MPPED1: variants seen among roughly 807,000 people sequenced by gnomAD.
MPPED1 encodes metallophosphoesterase domain containing 1.
MPPED1 carries 16 observed loss-of-function variants against 36.2 expected under a neutral mutation model. The ratio of observed to expected loss-of-function variants is 0.44; its 90% CI spans 0.30 to 0.67. MPPED1 has a LOEUF of 0.67. Ranked by LOEUF, MPPED1 falls within the 30% of genes least tolerant of loss-of-function variation. The probability of loss-of-function intolerance (pLI) is 0.10; values close to 1 mark genes in which losing one functional copy is unlikely to be tolerated. For synonymous variants in MPPED1, 199 were observed against 191.3 expected (o/e 1.04, Z -0.33); for missense variants, 307 against 453.4 (o/e 0.68, Z 2.93).
chr22:43,499,322 G>A (rs143634450), intron 5 of MPPED1, among the ~76,000 whole-genome samples: 3,417 of 119,714 alleles, frequency 0.029, 298 homozygotes, highest in South Asian at 0.039. Context: ...AAGTGGTGAC[G>A]TGGGAGGTGG....
At chr22:43,425,572 G>A (rs1362842431) in intron 2 of MPPED1, among the ~76,000 whole-genome samples, 1 of 152,228 alleles carries the variant, frequency 6.6e-6, no homozygotes, top group Non-Finnish European at 1.5e-5. Context: ...GCGTCTGGCG[G>A]GGGCCACATT....
In MPPED1 at chr22:43,474,222, T is replaced by C. The variant is rs1931469156; in HGVS notation, c.407-514T>C. ...CTGGGGATGCAGCGTGGGGGTCTTCTTCCAGTAGAAAACTAGTCCAGACAG... is the reference window on the plus strand; with the variant it reads ...CTGGGGATGCAGCGTGGGGGTCTTCCTCCAGTAGAAAACTAGTCCAGACAG... On this transcript the variant is annotated intron_variant, in intron 3 of 6. Transcript: ENST00000443721. This position sits in a 1 kb window ranked among gnomAD's most constrained non-coding sequence, Gnocchi z 5.2. Among the ~76,000 whole-genome samples the C allele has an allele frequency of 6.6e-6, 1 of 152,186 alleles. No individual in the cohort carries two copies. The highest frequency in any genetic ancestry group is 2.4e-5 in the African/African-American group (1 of 41,440).
intron 3 of MPPED1, among the ~76,000 whole-genome samples, chr22:43,441,239 C>T (rs531491416): frequency 2.6e-4 from 39 of 152,262 alleles, no homozygotes; most frequent in African/African-American, 9.1e-4. Context: ...CATTTGGGAC[C>T]CTCTCAGTCA....
intron 3 of MPPED1, among the ~76,000 whole-genome samples, chr22:43,460,246 AACAAAAAC>A (rs2146865766): frequency 1.6e-5 from 1 of 62,418 alleles, no homozygotes; most frequent in East Asian, 1.1e-3. Flanking sequence ...CAAAAACAAA[AACAAAAAC>A]AAACCCAAAC....
At chr22:43,451,922 C>A (rs532218769) in intron 3 of MPPED1, among the ~76,000 whole-genome samples, 2 of 152,180 alleles carry the variant, frequency 1.3e-5, no homozygotes, top group Non-Finnish European at 2.9e-5. Flanking sequence ...CTGCTCCTGC[C>A]GGAGTGCCAA....
intron 4 of MPPED1, among the ~76,000 whole-genome samples, chr22:43,485,305 C>T (rs759745261): frequency 9.2e-5 from 14 of 152,060 alleles, no homozygotes; most frequent in Admixed American, 9.2e-4. Context: ...CATCCACAAC[C>T]ACACACATAT....
At chr22:43,497,935 G>GTATATA (rs753427064) in intron 4 of MPPED1, among the ~76,000 whole-genome samples, 2 of 128,364 alleles carry the variant, frequency 1.6e-5, no homozygotes, top group Admixed American at 7.6e-5. Flanking sequence ...ATATGTATAT[G>GTATATA]TATATATATA....
chr22:43,431,429 T>G (rs1052893643), intron 2 of MPPED1, among the ~76,000 whole-genome samples: 1 of 152,152 alleles, frequency 6.6e-6, no homozygotes, highest in Non-Finnish European at 1.5e-5. Context: ...GTGGCCTCTG[T>G]GGGTGTCCCA....
At chr22:43,496,939 AGTGGTGGTGGAGGTG>A (rs1932417320) in intron 4 of MPPED1, among the ~76,000 whole-genome samples, 1 of 1,748 alleles carries the variant, frequency 5.7e-4, no homozygotes, top group Non-Finnish European at 1.1e-3. Context: ...TGGTGGAGGT[AGTGGTGGTGGAGGTG>A]GTGGTGGTGG....
At chr22:43,416,901 A>G (rs1929094559) in intron 1 of MPPED1, 2 of 799,762 alleles carry the variant, frequency 2.5e-6, no homozygotes, top group Non-Finnish European at 3.0e-6. Flanking sequence ...GTTCTGTGCA[A>G]TGGGAATGGA....
Position 43,502,411 on chromosome 22 carries a change from C to T in MPPED1, c.749-233C>T, listed in dbSNP as rs1206164740. 2.6e-5 allele frequency among the ~76,000 whole-genome samples: 4 copies of T among 152,226 alleles called. No individual in the cohort carries two copies. The highest frequency in any genetic ancestry group is 1.9e-4 in the East Asian group (1 of 5,194). On this transcript the variant is annotated intron_variant, in intron 5 of 6. Coordinates refer to ENST00000443721, the MANE Select transcript of MPPED1 (RefSeq NM_001044370.2). The surrounding 1 kb of genome is among the most constrained non-coding windows in gnomAD (Gnocchi z 5.5). ...CATGCTGAGCTCTTTCAAGGAGGCC[C>T]TCAGTGCAGCCCTATGGAGGAGGAG...
intron 4 of MPPED1, among the ~76,000 whole-genome samples, chr22:43,477,335 G>A (rs1306957753): frequency 2.6e-5 from 4 of 152,234 alleles, no homozygotes; most frequent in Admixed American, 2.6e-4. Flanking sequence ...TCTGGGGCTG[G>A]GAGCAGGTGG....
chr22:43,476,202 T>C (rs1326589316), intron 4 of MPPED1, among the ~76,000 whole-genome samples: 1 of 152,082 alleles, frequency 6.6e-6, no homozygotes, highest in Non-Finnish European at 1.5e-5. Context: ...TGAGGACTGA[T>C]TTATTATCCC....
chr22:43,479,590 C>T (rs565692025), intron 4 of MPPED1, among the ~76,000 whole-genome samples: 1 of 152,318 alleles, frequency 6.6e-6, no homozygotes, highest in Non-Finnish European at 1.5e-5. Flanking sequence ...AGCAGGGGGT[C>T]TGCTGTGGGT....
chr22:43,441,322 T>G (rs1930140790), intron 3 of MPPED1, among the ~76,000 whole-genome samples: 1 of 152,200 alleles, frequency 6.6e-6, no homozygotes, highest in African/African-American at 2.4e-5. Flanking sequence ...GTGACACTGC[T>G]ATCGTCTGTC....
At chr22:43,454,619 T>C (rs1930690301) in intron 3 of MPPED1, among the ~76,000 whole-genome samples, 1 of 152,168 alleles carries the variant, frequency 6.6e-6, no homozygotes, top group African/African-American at 2.4e-5. Flanking sequence ...GGCTCTATCA[T>C]GGTTCACTGC....
rs773213737 is a variant in MPPED1, at chr22:43,502,179, A to G, written c.749-465A>G. Among the ~76,000 whole-genome samples the G allele has an allele frequency of 4.6e-5, 7 of 152,074 alleles. No individual in the cohort carries two copies. The highest frequency in any genetic ancestry group is 1.0e-4 in the Non-Finnish European group (7 of 68,004). On this transcript the variant is annotated intron_variant, in intron 5 of 6. Coordinates refer to ENST00000443721, the MANE Select transcript of MPPED1 (RefSeq NM_001044370.2). This position sits in a 1 kb window ranked among gnomAD's most constrained non-coding sequence, Gnocchi z 5.5. ...CTGTGCTGTTTAGGAAGTTTCTGAC[A>G]TGGAAATCTCACTCCTGGGCTGTGT... is the stretch of plus-strand genomic sequence containing the variant.
chr22:43,417,037 C>T (rs1030386449), intron 1 of MPPED1: 87 of 984,146 alleles, frequency 8.8e-5, no homozygotes, highest in South Asian at 8.0e-4. Flanking sequence ...CTTCATATTC[C>T]GAAATAAAAG....
intron 3 of MPPED1, among the ~76,000 whole-genome samples, chr22:43,471,093 C>G (rs1364217133): frequency 6.6e-6 from 1 of 152,250 alleles, no homozygotes; most frequent in African/African-American, 2.4e-5. Context: ...GGAGAGCTGA[C>G]AGCTTCTGCG....
Sources: gnomAD v4.1 joint callset for allele counts (sites outside exome capture counted in the v4.1 genomes callset) on GRCh38, gnomAD v4.1.1 for gene constraint, Gnocchi (gnomAD v3.1) non-coding constraint, MANE v1.5 for transcripts, NCBI Gene and HGNC (gene_info 2026-07-23, HGNC 2026-07-21) for gene names.